The following ITGB4 variants were observed in gnomAD, a reference collection of about 807,000 sequenced individuals.
ITGB4 encodes the protein integrin subunit beta 4.
In ITGB4, 159 loss-of-function variants were observed where a neutral mutation model predicts 207.6. The ratio of observed to expected loss-of-function variants is 0.77; its 90% CI spans 0.67 to 0.87. The LOEUF (loss-of-function observed/expected upper bound fraction) is 0.87, where lower values mean the gene tolerates loss of function less well. Among genes scored for constraint, ITGB4 ranks in the 40% least tolerant of loss-of-function variants. The pLI is 0.00. For missense variants in ITGB4, 2,278 were observed against 2,546.8 expected (o/e 0.89, Z 2.27); for synonymous variants, 1,020 against 1,062.7 (o/e 0.96, Z 0.78).
intron 26 of ITGB4, among the ~76,000 whole-genome samples, chr17:75,745,774 G>A (rs948221407): frequency 6.6e-6 from 1 of 152,044 alleles, no homozygotes; most frequent in Non-Finnish European, 1.5e-5. Flanking sequence ...AGCTACCCGG[G>A]AGGCCGAGGC....
intron 5 of ITGB4, 136 bp from the exon 6 acceptor site, chr17:75,728,241 G>A (rs2060766227): frequency 1.4e-6 from 1 of 729,932 alleles, no homozygotes; most frequent in Non-Finnish European, 2.4e-6. Flanking sequence ...ACAATGTTGT[G>A]AGCATGAACC....
intron 26 of ITGB4, among the ~76,000 whole-genome samples, chr17:75,745,658 C>T (rs888105632): frequency 6.6e-6 from 1 of 152,056 alleles, no homozygotes; most frequent in Non-Finnish European, 1.5e-5. Context: ...GCAGGTGGAT[C>T]GCCTGAGGTC....
Position 75,753,873 on chromosome 17 carries a change from G to C in ITGB4, c.4217G>C (p.Arg1406Pro), listed in dbSNP as rs1294197691. Reference sequence around the variant, plus strand: ...CCGCGCCTGTCGGCCAGCAGCGGGCGCTCCTCCGACGCCGAGGCGCCCCAC... The same window carrying C: ...CCGCGCCTGTCGGCCAGCAGCGGGCCCTCCTCCGACGCCGAGGCGCCCCAC... Reference protein sequence around the residue: ...LIPRLSASSGRSSDAEAPHGP... With the variant: ...LIPRLSASSGPSSDAEAPHGP... Residue 1406 changes from arginine (R) to proline (P), a missense_variant, in exon 33 of 40, where the codon CGC becomes CCC. Arg to Pro is a moderately radical substitution (Grantham distance 103, BLOSUM62 -2). Transcript: ENST00000200181. 2.2e-6 allele frequency: 3 copies of C among 1,344,200 alleles called. No individual in the cohort carries two copies. The highest frequency in any genetic ancestry group is 1.9e-6 in the Non-Finnish European group (2 of 1,048,742). 83.3% of individuals were successfully genotyped at this position (1,344,200 alleles called of 1,614,324 possible).
chr17:75,727,592 G>T lies in ITGB4; in HGVS notation c.265-59G>T. Reference sequence around the variant, plus strand: ...GTATAGTGCCCCTTGGCCGGGCTGGGCCCCCATCGGGCCTCCGGAGTGACC... The same window carrying T: ...GTATAGTGCCCCTTGGCCGGGCTGGTCCCCCATCGGGCCTCCGGAGTGACC... On this transcript the variant is annotated intron_variant, in intron 4 of 39. Coordinates refer to ENST00000200181, the MANE Select transcript of ITGB4 (RefSeq NM_000213.5). The surrounding 1 kb of genome is among the most constrained non-coding windows in gnomAD (Gnocchi z 6.0). The T allele has an allele frequency of 6.3e-7, 1 of 1,580,622 alleles. No individual in the cohort carries two copies. Among genetic ancestry groups the T allele is most frequent in the African/African-American group, 1.3e-5 (1 of 74,334 alleles).
At chr17:75,749,988 G>C in intron 27 of ITGB4, 123 bp from the exon 28 acceptor site, 1 of 1,202,650 alleles carries the variant, frequency 8.3e-7, no homozygotes, top group Admixed American at 1.7e-5. Context: ...CCAGAGACGC[G>C]GGTGGGCAGG....
chr17:75,753,733 C>T (rs1453394904), intron 32 of ITGB4, 32 bp from the exon 33 acceptor site: 3 of 1,353,052 alleles, frequency 2.2e-6, no homozygotes, highest in African/African-American at 1.5e-5. Flanking sequence ...CGCCCCCCGG[C>T]GGTGCCAACG....
In ITGB4 at chr17:75,727,485, A is replaced by G. The variant is rs1399489342; in HGVS notation, c.244A>G (p.Ser82Gly). Reference sequence around the variant, plus strand: ...GCGGGAGAGCATCGTGGTCATGGAGAGCAGCTTCCAAATCACAGAGGTGCC... The same window carrying G: ...GCGGGAGAGCATCGTGGTCATGGAGGGCAGCTTCCAAATCACAGAGGTGCC... ...CQRESIVVME[S>G]SFQITEETQI... The change falls in exon 4 of 40, where the codon AGC becomes GGC. Residue 82 changes from serine (S) to glycine (G), a missense_variant. Transcript: ENST00000200181. This position sits in a 1 kb window ranked among gnomAD's most constrained non-coding sequence, Gnocchi z 6.0. The G allele has an allele frequency of 3.7e-6, 6 of 1,613,816 alleles. No homozygotes were observed. In the East Asian group the frequency reaches 1.1e-4, roughly 30 times the overall value.
chr17:75,730,158 C>T (rs2060818205), intron 7 of ITGB4, 83 bp from the exon 8 acceptor site: 9 of 1,580,938 alleles, frequency 5.7e-6, no homozygotes, highest in South Asian at 3.3e-5. Flanking sequence ...TGTTGGGACC[C>T]GCGTTCCCCG....
At chr17:75,748,260 G>A (rs1274785693) in intron 26 of ITGB4, among the ~76,000 whole-genome samples, 1 of 151,224 alleles carries the variant, frequency 6.6e-6, no homozygotes, top group Non-Finnish European at 1.5e-5. Context: ...CTACTCAGGC[G>A]GCTGAGGGGA....
At chr17:75,726,917 C>A (rs930777742) in intron 2 of ITGB4, among the ~76,000 whole-genome samples, 3 of 151,870 alleles carry the variant, frequency 2.0e-5, no homozygotes, top group Admixed American at 1.3e-4. Context: ...ACTAAAAATA[C>A]AAAAAATTAG....
intron 23 of ITGB4, among the ~76,000 whole-genome samples, chr17:75,741,408 C>T (rs1379183123): frequency 6.6e-6 from 1 of 152,048 alleles, no homozygotes; most frequent in Non-Finnish European, 1.5e-5. Context: ...CCTTTTTTCC[C>T]AGGTCCTACA....
At chr17:75,730,781 G>C in intron 8 of ITGB4, 94 bp from the exon 9 acceptor site, 2 of 1,240,582 alleles carry the variant, frequency 1.6e-6, no homozygotes, top group Non-Finnish European at 2.3e-6. Flanking sequence ...TAGGTTCCAG[G>C]CCTCAGTTTC....
rs1297893348 is a variant in ITGB4 at position 75,737,612 on chromosome 17, C to T, written c.2188C>T (p.Leu730=). 2 of 1,613,246 alleles carry T rather than the reference C, an allele frequency of 1.2e-6. No homozygotes were observed. The highest frequency in any genetic ancestry group is 3.3e-5 in the Admixed American group (2 of 59,952). The stretch of plus-strand genomic sequence containing the variant: ...CCTGCCGCTCCTGGCCCTGCTACTG[C>T]TGCTATGCTGGAAGTACTGTGCCTG... ...LLLPLLALLL[L]LCWKYCACCK... is the part of the protein sequence containing the mutation. The change falls in exon 18 of 40, where the codon CTG becomes TTG. Residue 730 remains leucine, a synonymous_variant. Coordinates refer to ENST00000200181, the MANE Select transcript of ITGB4 (RefSeq NM_000213.5).
rs147773555 is a variant in ITGB4, at chr17:75,739,655, C to T, written c.2221-17C>T. ...GCAGCTGTCTCAGGCCTCACCCTCA[C>T]CCACCTTGTCTCCTAGGCCTGCCTG... On this transcript the variant is annotated splice_polypyrimidine_tract_variant and intron_variant, in intron 18 of 39. Transcript: ENST00000200181. This position sits in a 1 kb window ranked among gnomAD's most constrained non-coding sequence, Gnocchi z 5.4. The T allele has an allele frequency of 4.7e-4, 757 of 1,614,144 alleles. 1 individual carries two copies. In the African/African-American group the frequency reaches 8.7e-3, roughly 19 times the overall value.
rs1037397985 is a variant in ITGB4 at position 75,722,615 on chromosome 17, C to T, written c.-11+1003C>T. Among the ~76,000 whole-genome samples, 15 of 152,166 alleles carry T rather than the reference C, an allele frequency of 9.9e-5. No homozygotes were observed. Among genetic ancestry groups the T allele is most frequent in the South Asian group, 2.1e-4 (1 of 4,816 alleles). ...CTTCTGGCCAGCTGCCTCTCTGGGGCGAGGAAGGGCCTGGGTCCCTGAGGG... is the reference window on the plus strand; with the variant it reads ...CTTCTGGCCAGCTGCCTCTCTGGGGTGAGGAAGGGCCTGGGTCCCTGAGGG... On this transcript the variant is annotated intron_variant, in intron 1 of 39. Transcript: ENST00000200181. This position sits in a 1 kb window ranked among gnomAD's most constrained non-coding sequence, Gnocchi z 6.2.
chr17:75,727,349 TG>T lies in ITGB4; in HGVS notation c.163-51del. 1 of 1,612,168 alleles carries T rather than the reference TG, an allele frequency of 6.2e-7. No homozygotes were observed. The highest frequency in any genetic ancestry group is 1.3e-5 in the African/African-American group (1 of 75,012). The stretch of plus-strand genomic sequence containing the variant: ...TAGCTGGTGGAAATGAATCTAGGGT[TG>T]GGGCAGCCAGGGAATGGGTGCTGCC... On this transcript the variant is annotated intron_variant, in intron 3 of 39. Coordinates refer to ENST00000200181, the MANE Select transcript of ITGB4 (RefSeq NM_000213.5). This position sits in a 1 kb window ranked among gnomAD's most constrained non-coding sequence, Gnocchi z 6.0.
intron 1 of ITGB4, 110 bp from the exon 2 acceptor site, chr17:75,724,584 A>T (rs1463587160): frequency 3.4e-6 from 3 of 888,282 alleles, no homozygotes; most frequent in African/African-American, 3.3e-5. Context: ...GCCCTTGGTC[A>T]CATTGTTGGT....
In ITGB4 at chr17:75,724,574, G is replaced by T. The variant is rs984487343; in HGVS notation, c.-10-120G>T. ...AGGGCCCTGCCTCTGGCGGCTGGGC[G>T]CCCTTGGTCACATTGTTGGTGCTCA... On this transcript the variant is annotated intron_variant, in intron 1 of 39. Transcript: ENST00000200181. The T allele has an allele frequency of 4.9e-6, 4 of 821,496 alleles. No individual in the cohort carries two copies. In the African/African-American group the frequency reaches 5.0e-5, roughly 10 times the overall value. The allele number at this position is 821,496 out of a possible 1,614,324, so 50.9% of individuals were successfully genotyped here. A position where few individuals can be genotyped will look rare whatever the true frequency, so the allele number is the denominator to read the frequency against.
intron 32 of ITGB4, among the ~76,000 whole-genome samples, chr17:75,753,123 A>G (rs1166041038): frequency 1.3e-5 from 2 of 152,220 alleles, no homozygotes. Context: ...GCTCTGTATA[A>G]TGGGATACCA....
Sources: gnomAD v4.1 joint callset for allele counts (sites outside exome capture counted in the v4.1 genomes callset) on GRCh38, gnomAD v4.1.1 for gene constraint, Gnocchi (gnomAD v3.1) non-coding constraint, MANE v1.5 for transcripts, NCBI Gene and HGNC (gene_info 2026-07-23, HGNC 2026-07-21) for gene names.